The following NUP210 variants were observed in gnomAD, a reference collection of about 807,000 sequenced individuals.
NUP210 encodes the protein nuclear pore membrane glycoprotein 210.
In NUP210, 151 loss-of-function variants were observed where a neutral mutation model predicts 196.0. That is an observed-to-expected ratio of 0.77 (90% CI 0.67 to 0.88). NUP210 has a LOEUF of 0.88. Ranked by LOEUF, NUP210 falls within the 40% of genes least tolerant of loss-of-function variation. The pLI, the probability that NUP210 is intolerant of heterozygous loss-of-function variation, is 0.00. For missense variants in NUP210, 2,314 were observed against 2,493.7 expected, an observed-to-expected ratio of 0.93 and a Z score of 1.53; for synonymous variants, 1,070 against 1,052.7, an observed-to-expected ratio of 1.02 and a Z score of -0.32.
At chr3:13,383,938 G>A (rs906304129) in intron 6 of NUP210, among the ~76,000 whole-genome samples, 1 of 151,926 alleles carries the variant, frequency 6.6e-6, no homozygotes, top group Admixed American at 6.6e-5. Flanking sequence ...CCACCTCACC[G>A]CTGCCCTGGG....
At position 13,377,462 on chromosome 3, in the gene NUP210, T is replaced by C; in HGVS notation, c.1146A>G (p.Val382=). 1 of 1,611,474 alleles carries C rather than the reference T, an allele frequency of 6.2e-7. No homozygotes were observed. The highest frequency in any genetic ancestry group is 8.5e-7 in the Non-Finnish European group (1 of 1,177,798). Residue 382 remains valine, a synonymous_variant, in exon 9 of 40, where the codon GTA becomes GTG. Transcript: ENST00000254508. ...GACCTGAACAGGCACTCACGTCAGATACATAGACCTTGTTGCTGAACTTGT... is the reference window on the plus strand; with the variant it reads ...GACCTGAACAGGCACTCACGTCAGACACATAGACCTTGTTGCTGAACTTGT... The part of the protein sequence containing the change: ...VFDKFSNKVY[V]SDNIRIETVL...
intron 20 of NUP210, 110 bp from the exon 21 acceptor site, chr3:13,343,413 C>T: frequency 7.3e-7 from 1 of 1,374,112 alleles, no homozygotes; most frequent in South Asian, 1.4e-5. Flanking sequence ...CAGCCTATCA[C>T]CTCATGGGAT....
rs373036752 is a variant in NUP210 at position 13,317,271 on chromosome 3, C to A, written c.*410G>T. On this transcript the variant is annotated 3_prime_UTR_variant, in exon 40 of 40. Transcript: ENST00000254508. ...AAACCCCCTAAAGTAACTGGACAAT[C>A]CTTTCCCTGAGACCACTACAGTAAC... The A allele has an allele frequency of 2.9e-4, 61 of 207,450 alleles. 4 individuals are homozygous for A. The highest frequency in any genetic ancestry group is 1.9e-3 in the South Asian group (29 of 14,872). The allele number at this position is 207,450 out of a possible 1,614,324, so 12.9% of individuals were successfully genotyped here.
At chr3:13,417,727 G>A (rs1700392622) in intron 1 of NUP210, among the ~76,000 whole-genome samples, 2 of 152,176 alleles carry the variant, frequency 1.3e-5, no homozygotes, top group African/African-American at 4.8e-5. Flanking sequence ...AAGACACTTT[G>A]AATAGCAGTC....
intron 21 of NUP210, 39 bp downstream of exon 21, chr3:13,343,136 G>T: frequency 6.2e-7 from 1 of 1,610,978 alleles, no homozygotes; most frequent in Non-Finnish European, 8.5e-7. Context: ...AGTTCCTGCA[G>T]GTCAGCCGAG....
At chr3:13,317,876 C>T (rs1013215180) in intron 39 of NUP210, 95 bp from the exon 40 acceptor site, 1 of 855,242 alleles carries the variant, frequency 1.2e-6, no homozygotes, top group African/African-American at 1.7e-5. Flanking sequence ...CTGCCTCACC[C>T]AGGACACTCT....
At position 13,350,950 on chromosome 3, in the gene NUP210, G is replaced by A. The variant is rs1228604722; in HGVS notation, c.2835+929C>T. On this transcript the variant is annotated intron_variant, in intron 20 of 39. Transcript: ENST00000254508. The surrounding 1 kb of genome is among the most constrained non-coding windows in gnomAD (Gnocchi z 4.1). ...CCTGACCTTGTGATCAGCCTGCCTC[G>A]GCCTCCCAAAGTGCTGGGATTACAG... Among the ~76,000 whole-genome samples the A allele has an allele frequency of 5.3e-5, 8 of 151,702 alleles. No individual in the cohort carries two copies. Among genetic ancestry groups the A allele is most frequent in the Non-Finnish European group, 1.2e-4 (8 of 67,940 alleles).
chr3:13,373,873 C>A lies in NUP210; in HGVS notation c.1432G>T (p.Ala478Ser). The change falls in exon 12 of 40, where the codon GCC becomes TCC. Residue 478 changes from alanine to serine, a missense_variant and splice_region_variant. Physicochemically the swap from Ala to Ser is moderately conservative, Grantham distance 99. Transcript: ENST00000254508. ...KTGAYQYTIRAHGGSGNFSWS... is the reference protein window; with the variant it reads ...KTGAYQYTIRSHGGSGNFSWS... The stretch of plus-strand genomic sequence containing the variant: ...CTGAAGTTCCCACTGCCACCGTGGG[C>A]CTGCGGAGGAAAAGCCATCACAGGA... The A allele has an allele frequency of 1.2e-6, 2 of 1,612,694 alleles. No homozygotes were observed. The highest frequency in any genetic ancestry group is 1.7e-6 in the Non-Finnish European group (2 of 1,179,388).
At chr3:13,400,629 G>A (rs990078503) in intron 1 of NUP210, among the ~76,000 whole-genome samples, 6 of 152,224 alleles carry the variant, frequency 3.9e-5, no homozygotes, top group African/African-American at 1.4e-4. Flanking sequence ...CACACTGAGC[G>A]TGCCCAGCTA....
intron 26 of NUP210, 83 bp downstream of exon 26, chr3:13,337,754 T>A: frequency 7.8e-7 from 1 of 1,286,292 alleles, no homozygotes; most frequent in South Asian, 1.3e-5. Flanking sequence ...ATGGAGGAGG[T>A]GGAGAAGCAC....
chr3:13,391,443 A>G, intron 3 of NUP210, 136 bp from the exon 4 acceptor site: 1 of 647,766 alleles, frequency 1.5e-6, no homozygotes, highest in Non-Finnish European at 2.8e-6. Context: ...CATAAACTGT[A>G]TGTCAGGAGA....
intron 1 of NUP210, among the ~76,000 whole-genome samples, chr3:13,415,924 CA>C (rs1346919642): frequency 3.3e-5 from 5 of 152,154 alleles, no homozygotes; most frequent in African/African-American, 1.2e-4. Flanking sequence ...CCTGCTGGGG[CA>C]GGGAGAGGGA....
At chr3:13,330,701 C>A in intron 29 of NUP210, 67 bp from the exon 30 acceptor site, 1 of 1,465,260 alleles carries the variant, frequency 6.8e-7, no homozygotes, top group Non-Finnish European at 9.4e-7. Context: ...GATACAATGC[C>A]AGGAGATCTA....
rs777414567 is a variant in NUP210 at position 13,342,010 on chromosome 3, C to T, written c.3078G>A (p.Pro1026=). ...GGAGAACTCACACCAATGTAATGAT[C>T]GGGGAGGCTGCTCGGAGCTTCAGGT... is the stretch of plus-strand genomic sequence containing the variant. ...FMDLKLRAAS[P]IITLVALDEA... The change falls in exon 22 of 40, where the codon CCG becomes CCA. Residue 1026 remains proline (P), a synonymous_variant. Coordinates refer to ENST00000254508, the MANE Select transcript of NUP210 (RefSeq NM_024923.4). The T allele has an allele frequency of 8.7e-6, 14 of 1,614,104 alleles. No individual in the cohort carries two copies. The highest frequency in any genetic ancestry group is 7.7e-5 in the South Asian group (7 of 91,064).
chr3:13,371,994 CGG>C lies in NUP210; in HGVS notation c.1624_1625del (p.Pro542ValfsTer27). On this transcript the variant is annotated frameshift_variant, in exon 13 of 40. Coordinates refer to ENST00000254508, the MANE Select transcript of NUP210 (RefSeq NM_024923.4). LOFTEE classifies it high-confidence loss of function. ...GGCCCACACGTGCCTCCACCTGGCA[CGG>C]GGCAAACTCCATGCTGTGGGGCTCG... is the stretch of plus-strand genomic sequence containing the variant. ...VIEPHSMEFA[P>X]CQVEARVGQA... 6.3e-7 allele frequency: 1 copy of C among 1,596,372 alleles called. No homozygotes were observed.
chr3:13,380,305 CT>C (rs1191017443), intron 6 of NUP210, among the ~76,000 whole-genome samples: 16 of 152,288 alleles, frequency 1.1e-4, no homozygotes, highest in African/African-American at 3.4e-4. Context: ...CGATGTACAT[CT>C]TCCTTGCTCT....
chr3:13,360,332 G>C lies in NUP210; in HGVS notation c.2092C>G (p.His698Asp). 1.2e-6 allele frequency: 2 copies of C among 1,614,214 alleles called. No homozygotes were observed. The highest frequency in any genetic ancestry group is 1.7e-5 in the Admixed American group (1 of 60,030). ...DSIGLALFAP[H>D]SSRNYQQHWI... ...TGTTGCTGATAATTCCGGGAGGAAT[G>C]GGGGGCAAAGAGAGCCAGGCCGATG... Residue 698 changes from histidine (H) to aspartate (D), a missense_variant, in exon 15 of 40, where the codon CAT becomes GAT. His to Asp is a moderately conservative substitution (Grantham distance 81). Coordinates refer to ENST00000254508, the MANE Select transcript of NUP210 (RefSeq NM_024923.4).
chr3:13,391,829 G>A (rs1699501840), intron 3 of NUP210, among the ~76,000 whole-genome samples: 10 of 151,584 alleles, frequency 6.6e-5, no homozygotes, highest in Admixed American at 5.3e-4. Context: ...AGGTCGTGGG[G>A]TAGGTAGGGG....
At chr3:13,404,210 C>T (rs986112065) in intron 1 of NUP210, among the ~76,000 whole-genome samples, 1 of 152,126 alleles carries the variant, frequency 6.6e-6, no homozygotes. Flanking sequence ...TAAGGCAGGC[C>T]CCCCACCCAC....
Sources: gnomAD v4.1 joint callset for allele counts (sites outside exome capture counted in the v4.1 genomes callset) on GRCh38, gnomAD v4.1.1 for gene constraint, Gnocchi (gnomAD v3.1) non-coding constraint, MANE v1.5 for transcripts, NCBI Gene and HGNC (gene_info 2026-07-23, HGNC 2026-07-21) for gene names.